Variants in SMYD3 observed in about 807,000 individuals in gnomAD.
SMYD3 encodes the protein SET and MYND domain containing 3.
In SMYD3, 36 loss-of-function variants were observed where a neutral mutation model predicts 57.7. The ratio of observed to expected loss-of-function variants is 0.62; its 90% confidence interval spans 0.48 to 0.82. The LOEUF is 0.82. SMYD3 is among the 40% of genes least tolerant of loss of function. SMYD3 has a pLI of 0.00. For missense variants in SMYD3, 515 were observed against 538.8 expected, an observed-to-expected ratio of 0.96 and a Z score of 0.44; for synonymous variants, 211 against 195.0, an observed-to-expected ratio of 1.08 and a Z score of -0.68.
intron 5 of SMYD3, among the ~76,000 whole-genome samples, chr1:246,059,506 T>A (rs747803764): frequency 2.1e-4 from 32 of 152,222 alleles, no homozygotes; most frequent in Admixed American, 7.2e-4. Flanking sequence ...TCTCCTATTT[T>A]ATTATCAAGC....
rs139001720 is a variant in SMYD3, at chr1:245,758,264, T to C, written c.1185+5777A>G. On this transcript the variant is annotated intron_variant, in intron 11 of 11. Transcript: ENST00000490107. ...ATCCTGCTACCTTGCTTAATTCACT[T>C]ATTAGTTCTAACATTTTTTGGTGTG... Among the ~76,000 whole-genome samples the C allele has an allele frequency of 2.0e-3, 307 of 152,296 alleles. 4 individuals are homozygous for C. Among genetic ancestry groups the C allele is most frequent in the African/African-American group, 6.3e-3 (263 of 41,570 alleles).
chr1:246,102,149 C>G (rs1033571057), intron 5 of SMYD3, among the ~76,000 whole-genome samples: 1 of 152,188 alleles, frequency 6.6e-6, no homozygotes, highest in African/African-American at 2.4e-5. Context: ...AGCAATGCTT[C>G]CACTATGTAC....
chr1:245,933,341 A>G (rs775800292), intron 5 of SMYD3, among the ~76,000 whole-genome samples: 1 of 152,214 alleles, frequency 6.6e-6, no homozygotes, highest in Non-Finnish European at 1.5e-5. Flanking sequence ...ATTCTTTCTA[A>G]AAATTAAGCT....
chr1:246,103,152 A>C (rs1006326972), intron 5 of SMYD3, among the ~76,000 whole-genome samples: 1 of 152,204 alleles, frequency 6.6e-6, no homozygotes, highest in African/African-American at 2.4e-5. Flanking sequence ...GAATATAGGG[A>C]GTTCAAACAT....
intron 5 of SMYD3, among the ~76,000 whole-genome samples, chr1:246,307,934 G>A (rs1015457593): frequency 6.6e-6 from 1 of 152,070 alleles, no homozygotes. Flanking sequence ...CAGGTACCTC[G>A]GTAGCCTATT....
At chr1:245,939,329 T>G (rs2057123576) in intron 5 of SMYD3, among the ~76,000 whole-genome samples, 1 of 152,024 alleles carries the variant, frequency 6.6e-6, no homozygotes, top group Admixed American at 6.6e-5. Flanking sequence ...AAGTATCGGT[T>G]TAAAAAGATA....
rs371026959 is a variant in SMYD3, at chr1:246,330,610, C to T, written c.337-73G>A. Reference sequence around the variant, plus strand: ...ATATATAAACAAATAAGTTTGAGTACCTTTGTATATTTAAATGAAAGTCCA... The same window carrying T: ...ATATATAAACAAATAAGTTTGAGTATCTTTGTATATTTAAATGAAAGTCCA... On this transcript the variant is annotated intron_variant, in intron 3 of 11. Transcript: ENST00000490107. The T allele has an allele frequency of 3.2e-6, 4 of 1,267,276 alleles. No homozygotes were observed. In the African/African-American group the frequency reaches 6.0e-5, roughly 19 times the overall value. 78.5% of individuals were successfully genotyped at this position (1,267,276 alleles called of 1,614,324 possible).
Position 245,945,442 on chromosome 1 carries a change from A to G in SMYD3, c.532-15505T>C, listed in dbSNP as rs573270377. ...CACAATGAGAATCTCACCCACTCAG[A>G]ATGGTGATTAAAAAGTCAAGAAACA... On this transcript the variant is annotated intron_variant, in intron 5 of 11. Coordinates refer to ENST00000490107, the MANE Select transcript of SMYD3 (RefSeq NM_001167740.2). 2.0e-5 allele frequency among the ~76,000 whole-genome samples: 3 copies of G among 152,272 alleles called. No individual in the cohort carries two copies. The East Asian group carries it at 5.8e-4, about 29-fold the overall frequency.
At chr1:246,060,045 G>A (rs1027444189) in intron 5 of SMYD3, among the ~76,000 whole-genome samples, 2 of 152,098 alleles carry the variant, frequency 1.3e-5, no homozygotes, top group Non-Finnish European at 2.9e-5. Context: ...CAGCATATTA[G>A]GAGGCCGAAG....
intron 5 of SMYD3, among the ~76,000 whole-genome samples, chr1:245,952,578 A>G (rs1558528297): frequency 6.6e-6 from 1 of 152,172 alleles, no homozygotes; most frequent in Non-Finnish European, 1.5e-5. Flanking sequence ...GTACTGGTTG[A>G]TGGGCATCAC....
intron 5 of SMYD3, among the ~76,000 whole-genome samples, chr1:246,100,850 G>C (rs1442501255): frequency 2.0e-5 from 3 of 151,508 alleles, no homozygotes; most frequent in Non-Finnish European, 4.4e-5. Context: ...TGTCCATGCA[G>C]TCTTACCATG....
intron 5 of SMYD3, among the ~76,000 whole-genome samples, chr1:246,122,865 C>G (rs944517802): frequency 6.6e-6 from 1 of 152,206 alleles, no homozygotes; most frequent in South Asian, 2.1e-4. Flanking sequence ...CCATGATTAA[C>G]TTCAGGCCAA....
intron 5 of SMYD3, among the ~76,000 whole-genome samples, chr1:246,216,351 A>C (rs2063164137): frequency 1.3e-5 from 2 of 151,812 alleles, no homozygotes; most frequent in Non-Finnish European, 2.9e-5. Flanking sequence ...ACATCTCCAT[A>C]TTGGACAATA....
chr1:245,852,138 T>C (rs753510781), intron 10 of SMYD3, among the ~76,000 whole-genome samples: 3 of 152,218 alleles, frequency 2.0e-5, no homozygotes, highest in Non-Finnish European at 4.4e-5. Context: ...CTTGTTCAAA[T>C]GCCTGAGGTG....
intron 5 of SMYD3, among the ~76,000 whole-genome samples, chr1:246,066,439 T>A (rs759764737): frequency 6.6e-6 from 1 of 151,874 alleles, no homozygotes; most frequent in Non-Finnish European, 1.5e-5. Flanking sequence ...ACAATTCTTA[T>A]TTTTCAAATT....
intron 1 of SMYD3, among the ~76,000 whole-genome samples, chr1:246,361,606 C>T (rs1377356981): frequency 6.6e-6 from 1 of 152,096 alleles, no homozygotes; most frequent in Non-Finnish European, 1.5e-5. Context: ...CATGGAATAA[C>T]ACTCAACCAT....
At chr1:246,214,454 G>A (rs2063134151) in intron 5 of SMYD3, among the ~76,000 whole-genome samples, 1 of 152,124 alleles carries the variant, frequency 6.6e-6, no homozygotes, top group Admixed American at 6.5e-5. Flanking sequence ...AAAAGACAAA[G>A]AGATGAGTTT....
chr1:245,870,835 A>T (rs202219901), intron 8 of SMYD3, among the ~76,000 whole-genome samples: 1 of 151,954 alleles, frequency 6.6e-6, no homozygotes, highest in African/African-American at 2.4e-5. Context: ...GTCAGGTTAA[A>T]CACACGAATC....
chr1:245,878,831 C>T lies in SMYD3; in HGVS notation c.814-14945G>A, dbSNP rs188443125. Among the ~76,000 whole-genome samples, 135 of 152,224 alleles carry T rather than the reference C, an allele frequency of 8.9e-4. 1 individual carries two copies. Among genetic ancestry groups the T allele is most frequent in the African/African-American group, 3.1e-3 (127 of 41,512 alleles). On this transcript the variant is annotated intron_variant, in intron 8 of 11. Coordinates refer to ENST00000490107, the MANE Select transcript of SMYD3 (RefSeq NM_001167740.2). ...CAGTTGGAGGGTTGGAGAGGGACAA[C>T]GCAGGGATGGCAGGAAGAGGGCGTT...
Sources: allele counts gnomAD v4.1 joint callset (sites outside exome capture counted in the v4.1 genomes callset), GRCh38; gene constraint gnomAD v4.1.1; transcripts MANE v1.5; gene names NCBI Gene and HGNC (gene_info 2026-07-23, HGNC 2026-07-21).